Variants in MACROD2 observed in about 807,000 individuals in gnomAD.
The protein encoded by MACROD2 is mono-ADP ribosylhydrolase 2.
Under a neutral mutation model 70.4 loss-of-function variants are expected in MACROD2, and 36 were observed. The observed-to-expected ratio is 0.51, with a 90% CI of 0.39 to 0.68. MACROD2 has a LOEUF of 0.68. MACROD2 is among the 30% of genes least tolerant of loss of function. The pLI is 0.00. For synonymous variants in MACROD2, 172 were observed against 178.8 expected (o/e 0.96, Z 0.30); for missense variants, 496 against 538.4 (o/e 0.92, Z 0.78).
chr20:14,737,724 A>G (rs1455156030), intron 5 of MACROD2, among the ~76,000 whole-genome samples: 1 of 151,974 alleles, frequency 6.6e-6, no homozygotes, highest in Admixed American at 6.5e-5. Context: ...GCTTTTTTTC[A>G]TATGTTCATT....
intron 6 of MACROD2, among the ~76,000 whole-genome samples, chr20:15,273,799 G>C (rs2077366933): frequency 6.6e-6 from 1 of 152,120 alleles, no homozygotes; most frequent in South Asian, 2.1e-4. Flanking sequence ...CAAAAAGTAT[G>C]CTCCAATTCT....
chr20:15,143,941 G>T (rs1425359721), intron 5 of MACROD2, among the ~76,000 whole-genome samples: 1 of 76,996 alleles, frequency 1.3e-5, no homozygotes, highest in South Asian at 5.5e-4. Context: ...GATCGCTGAT[G>T]AGCTAAAAAA....
At chr20:15,128,819 A>G (rs2076084714) in intron 5 of MACROD2, among the ~76,000 whole-genome samples, 1 of 145,508 alleles carries the variant, frequency 6.9e-6, no homozygotes. Flanking sequence ...AAGGATGGTT[A>G]GTTTGTATCT....
chr20:14,133,320 A>G (rs2054744494), intron 3 of MACROD2, among the ~76,000 whole-genome samples: 2 of 152,224 alleles, frequency 1.3e-5, no homozygotes, highest in African/African-American at 2.4e-5. Flanking sequence ...GATTTCAACC[A>G]CAGTACAGTT....
chr20:15,048,490 A>G (rs2075413413), intron 5 of MACROD2, among the ~76,000 whole-genome samples: 1 of 151,934 alleles, frequency 6.6e-6, no homozygotes, highest in Non-Finnish European at 1.5e-5. Context: ...TATAGTATCT[A>G]CGTGCCTACC....
intron 12 of MACROD2, among the ~76,000 whole-genome samples, chr20:15,949,202 G>A (rs780456134): frequency 6.6e-6 from 1 of 152,186 alleles, no homozygotes; most frequent in Non-Finnish European, 1.5e-5. Context: ...TCACAGGGTT[G>A]CTAAAACTGA....
At chr20:15,491,079 C>T (rs148287712) in intron 7 of MACROD2, among the ~76,000 whole-genome samples, 131 of 152,292 alleles carry the variant, frequency 8.6e-4, no homozygotes, top group African/African-American at 3.0e-3. Flanking sequence ...GTGACTTATA[C>T]ATAATAATTG....
At chr20:15,141,228 G>A (rs1170795760) in intron 5 of MACROD2, among the ~76,000 whole-genome samples, 2 of 151,638 alleles carry the variant, frequency 1.3e-5, no homozygotes, top group East Asian at 3.9e-4. Context: ...GTTTGCATAA[G>A]GAGTGCATAT....
intron 5 of MACROD2, chr20:15,022,901 A>G (rs1161720319): frequency 2.6e-5 from 4 of 152,198 alleles, no homozygotes; most frequent in African/African-American, 7.2e-5. Context: ...TACAGAGAAT[A>G]TTAGCATGTC....
intron 3 of MACROD2, among the ~76,000 whole-genome samples, chr20:14,392,788 G>A (rs2083541272): frequency 6.6e-6 from 1 of 152,006 alleles, no homozygotes; most frequent in African/African-American, 2.4e-5. Context: ...CCCACCTTAG[G>A]TTTCTTATAT....
At chr20:15,554,484 C>T (rs190224964) in intron 8 of MACROD2, among the ~76,000 whole-genome samples, 17 of 151,366 alleles carry the variant, frequency 1.1e-4, no homozygotes, top group Admixed American at 1.1e-3. Context: ...GTTAACTTTT[C>T]CATCAAATAA....
intron 4 of MACROD2, among the ~76,000 whole-genome samples, chr20:14,504,937 A>T (rs1326452652): frequency 6.6e-6 from 1 of 152,198 alleles, no homozygotes; most frequent in Non-Finnish European, 1.5e-5. Flanking sequence ...TCTGCAAATA[A>T]CAGGCAATAT....
At chr20:15,341,724 A>T (rs1457345730) in intron 6 of MACROD2, among the ~76,000 whole-genome samples, 1 of 152,224 alleles carries the variant, frequency 6.6e-6, no homozygotes, top group Non-Finnish European at 1.5e-5. Context: ...CTGAGAAAAA[A>T]AATGAAAGAA....
chr20:15,053,979 A>T (rs2075463229), intron 5 of MACROD2, among the ~76,000 whole-genome samples: 1 of 152,224 alleles, frequency 6.6e-6, no homozygotes, highest in Non-Finnish European at 1.5e-5. Context: ...AGTAACTGCA[A>T]ATGTGGTGGA....
At chr20:15,060,709 A>G in intron 5 of MACROD2, among the ~76,000 whole-genome samples, 1 of 152,218 alleles carries the variant, frequency 6.6e-6, no homozygotes, top group East Asian at 1.9e-4. Flanking sequence ...TTCTCTGGAC[A>G]TCAAAGTTCT....
intron 8 of MACROD2, among the ~76,000 whole-genome samples, chr20:15,720,445 C>G (rs1046048869): frequency 6.6e-6 from 1 of 152,172 alleles, no homozygotes; most frequent in Non-Finnish European, 1.5e-5. Context: ...AGTTATTTCT[C>G]TATCCTTCTG....
At chr20:14,334,374 T>G (rs1464373350) in intron 3 of MACROD2, among the ~76,000 whole-genome samples, 1 of 152,196 alleles carries the variant, frequency 6.6e-6, no homozygotes, top group Non-Finnish European at 1.5e-5. Flanking sequence ...TGTTGGAAAT[T>G]TATTTGTTGA....
At chr20:15,279,130 G>A (rs1189573542) in intron 6 of MACROD2, among the ~76,000 whole-genome samples, 2 of 152,196 alleles carry the variant, frequency 1.3e-5, no homozygotes, top group Admixed American at 6.5e-5. Flanking sequence ...TACGAGTTAT[G>A]AGCGACTTTA....
intron 8 of MACROD2, among the ~76,000 whole-genome samples, chr20:15,514,862 C>G (rs2146518743): frequency 6.6e-6 from 1 of 152,266 alleles, no homozygotes; most frequent in South Asian, 2.1e-4. Flanking sequence ...AAGTTCATAA[C>G]TACAATCATC....
Sources: allele counts gnomAD v4.1 joint callset (sites outside exome capture counted in the v4.1 genomes callset), GRCh38; gene constraint gnomAD v4.1.1; transcripts MANE v1.5; gene names NCBI Gene and HGNC (gene_info 2026-07-23, HGNC 2026-07-21).